Variants in ST14 observed in about 807,000 individuals in gnomAD.
The protein encoded by ST14 is ST14 transmembrane serine protease matriptase.
Under a neutral mutation model 96.5 loss-of-function variants are expected in ST14, and 40 were observed. The ratio of observed to expected loss-of-function variants is 0.41; its 90% CI spans 0.32 to 0.54. ST14 has a LOEUF of 0.54. Ranked by LOEUF, ST14 falls within the 20% of genes least tolerant of loss-of-function variation. The pLI is 0.17. For missense variants in ST14, 1,066 were observed against 1,188.9 expected, an observed-to-expected ratio of 0.90 and a Z score of 1.52; for synonymous variants, 506 against 492.1, an observed-to-expected ratio of 1.03 and a Z score of -0.37.
At chr11:130,208,379 C>A (rs372002742) in intron 16 of ST14, 31 bp from the exon 17 acceptor site, 1 of 1,613,694 alleles carries the variant, frequency 6.2e-7, no homozygotes, top group Non-Finnish European at 8.5e-7. Context: ...CCCGAGTGAC[C>A]GCGCAGTCTC....
chr11:130,182,389 A>G (rs1447476564), intron 1 of ST14, among the ~76,000 whole-genome samples: 1 of 149,778 alleles, frequency 6.7e-6, no homozygotes, highest in Non-Finnish European at 1.5e-5. Flanking sequence ...TGGCATGACT[A>G]TGGCTCACTG....
At chr11:130,183,474 G>A (rs894395168) in intron 1 of ST14, among the ~76,000 whole-genome samples, 1 of 151,358 alleles carries the variant, frequency 6.6e-6, no homozygotes, top group Non-Finnish European at 1.5e-5. Context: ...TCAGGAGGCT[G>A]ATGCAGGAGG....
intron 16 of ST14, 58 bp downstream of exon 16, chr11:130,200,195 A>G (rs1275199610): frequency 6.3e-7 from 1 of 1,598,268 alleles, no homozygotes; most frequent in African/African-American, 1.3e-5. Flanking sequence ...ATCTGGGAGT[A>G]ATGCCAGGAT....
At chr11:130,205,275 C>T (rs1045813772) in intron 16 of ST14, among the ~76,000 whole-genome samples, 5 of 152,036 alleles carry the variant, frequency 3.3e-5, no homozygotes, top group East Asian at 1.9e-4. Context: ...TACAGGTGTG[C>T]GCCACCTTGC....
chr11:130,190,780 T>A, intron 7 of ST14, 86 bp downstream of exon 7: 1 of 1,451,966 alleles, frequency 6.9e-7, no homozygotes. Flanking sequence ...TGGGATACAG[T>A]TTATGACTCT....
At chr11:130,194,032 A>T (rs1002091575) in intron 7 of ST14, 117 bp from the exon 8 acceptor site, 2 of 1,346,186 alleles carry the variant, frequency 1.5e-6, no homozygotes, top group African/African-American at 1.4e-5. Context: ...GCCTCTGTGG[A>T]TGGGACCAGA....
chr11:130,190,626 C>T lies in ST14; in HGVS notation c.807C>T (p.Asp269=), dbSNP rs764272121. 9.3e-6 allele frequency: 15 copies of T among 1,612,006 alleles called. No individual in the cohort carries two copies. The highest frequency in any genetic ancestry group is 6.7e-5 in the East Asian group (3 of 44,792). Residue 269 remains aspartate, a synonymous_variant, in exon 7 of 19, where the codon GAC becomes GAT. Coordinates refer to ENST00000278742, the MANE Select transcript of ST14 (RefSeq NM_021978.4). ...TFRSFDLASC[D]ERGSDLVTVY... is the part of the protein sequence containing the mutation. ...GCAGCTTTGACCTTGCGTCCTGCGACGAGCGCGGCAGCGACCTGGTGACGG... is the reference window on the plus strand; with the variant it reads ...GCAGCTTTGACCTTGCGTCCTGCGATGAGCGCGGCAGCGACCTGGTGACGG...
At chr11:130,185,985 G>C (rs1052351682) in intron 1 of ST14, among the ~76,000 whole-genome samples, 1 of 151,706 alleles carries the variant, frequency 6.6e-6, no homozygotes. Context: ...TTTTTGTATT[G>C]TTAGTAGAGA....
At position 130,187,068 on chromosome 11, in the gene ST14, A is replaced by G. The variant is rs1259025902; in HGVS notation, c.82-1046A>G. On this transcript the variant is annotated intron_variant, in intron 1 of 18. Transcript: ENST00000278742. This position sits in a 1 kb window ranked among gnomAD's most constrained non-coding sequence, Gnocchi z 4.5. ...CCAAGACATATCAGCTTAAATTTAC[A>G]CTGTCGAATTACGAGATCACCACCA... Among the ~76,000 whole-genome samples, 1 of 152,106 alleles carries G rather than the reference A, an allele frequency of 6.6e-6. No homozygotes were observed. Among genetic ancestry groups the G allele is most frequent in the Non-Finnish European group, 1.5e-5 (1 of 68,020 alleles).
intron 5 of ST14, 57 bp from the exon 6 acceptor site, chr11:130,190,056 A>G: frequency 6.2e-7 from 1 of 1,613,508 alleles, no homozygotes; most frequent in Non-Finnish European, 8.5e-7. Flanking sequence ...ATAAGGAAGC[A>G]GGAATAAGGA....
At chr11:130,162,747 G>A (rs564908485) in intron 1 of ST14, among the ~76,000 whole-genome samples, 1 of 152,200 alleles carries the variant, frequency 6.6e-6, no homozygotes, top group African/African-American at 2.4e-5. Flanking sequence ...GGGGTACAGG[G>A]AACTGAATTC....
At chr11:130,167,659 A>G (rs1953054423) in intron 1 of ST14, among the ~76,000 whole-genome samples, 2 of 151,864 alleles carry the variant, frequency 1.3e-5, no homozygotes, top group South Asian at 4.1e-4. Context: ...TTGGAGAGGG[A>G]TCTCCCAGAA....
chr11:130,168,747 T>A (rs1158650857), intron 1 of ST14, among the ~76,000 whole-genome samples: 2 of 152,170 alleles, frequency 1.3e-5, no homozygotes, highest in African/African-American at 2.4e-5. Flanking sequence ...GGACACAGAC[T>A]TCCTGGTGCC....
chr11:130,202,963 G>A (rs2136219338), intron 16 of ST14, among the ~76,000 whole-genome samples: 1 of 152,300 alleles, frequency 6.6e-6, no homozygotes, highest in East Asian at 1.9e-4. Flanking sequence ...CACCATGGGG[G>A]ATATCAGTGG....
chr11:130,177,858 C>G (rs1953155707), intron 1 of ST14, among the ~76,000 whole-genome samples: 1 of 152,272 alleles, frequency 6.6e-6, no homozygotes. Context: ...TTAGCATCGA[C>G]TATACCACCT....
intron 16 of ST14, among the ~76,000 whole-genome samples, chr11:130,205,353 C>T (rs1022342809): frequency 2.6e-5 from 4 of 152,200 alleles, no homozygotes; most frequent in South Asian, 2.1e-4. Flanking sequence ...GTCTCGAACT[C>T]GTGACCTCGT....
At position 130,188,928 on chromosome 11, in the gene ST14, G is replaced by C. The variant is rs746849394; in HGVS notation, c.429G>C (p.Val143=). 1 of 1,610,818 alleles carries C rather than the reference G, an allele frequency of 6.2e-7. No homozygotes were observed. The highest frequency in any genetic ancestry group is 1.7e-5 in the Admixed American group (1 of 59,458). Residue 143 remains valine (V), a synonymous_variant, in exon 4 of 19, where the codon GTG becomes GTC. Coordinates refer to ENST00000278742, the MANE Select transcript of ST14 (RefSeq NM_021978.4). The surrounding 1 kb of genome is among the most constrained non-coding windows in gnomAD (Gnocchi z 5.4). ...FLGPYHKESA[V]TAFSEGSVIA... ...GCCCCTACCACAAGGAGTCGGCTGT[G>C]ACGGCCTTCAGGTGGGTGTGGAGAG...
chr11:130,203,903 C>T (rs945883841), intron 16 of ST14, among the ~76,000 whole-genome samples: 1 of 152,212 alleles, frequency 6.6e-6, no homozygotes, highest in African/African-American at 2.4e-5. Context: ...ATCTGCCTGC[C>T]TTGGCCTCCC....
intron 16 of ST14, among the ~76,000 whole-genome samples, chr11:130,203,895 C>A (rs536678467): frequency 1.3e-4 from 20 of 152,224 alleles, no homozygotes; most frequent in Non-Finnish European, 2.6e-4. Flanking sequence ...CACGGGTGAT[C>A]TGCCTGCCTT....
Sources: allele counts gnomAD v4.1 joint callset (sites outside exome capture counted in the v4.1 genomes callset), GRCh38; gene constraint gnomAD v4.1.1; non-coding constraint Gnocchi (gnomAD v3.1); transcripts MANE v1.5; gene names NCBI Gene and HGNC (gene_info 2026-07-23, HGNC 2026-07-21).